The following CDH6 variants were observed in gnomAD, a reference collection of about 807,000 sequenced individuals.
The protein encoded by CDH6 is cadherin-6.
In CDH6, 31 loss-of-function variants were observed where a neutral mutation model predicts 78.0. The observed-to-expected ratio is 0.40, with a 90% CI of 0.30 to 0.54. The LOEUF (loss-of-function observed/expected upper bound fraction) is 0.54. Among genes scored for constraint, CDH6 ranks in the 20% least tolerant of loss-of-function variants. The pLI, the probability that CDH6 is intolerant of heterozygous loss-of-function variation, is 0.56. For synonymous variants in CDH6, 376 were observed against 368.8 expected, an observed-to-expected ratio of 1.02 and a Z score of -0.23; for missense variants, 724 against 975.9, an observed-to-expected ratio of 0.74 and a Z score of 3.44.
intron 1 of CDH6, among the ~76,000 whole-genome samples, chr5:31,218,445 T>A (rs1014015702): frequency 1.3e-5 from 2 of 152,176 alleles, no homozygotes; most frequent in African/African-American, 4.8e-5. Context: ...ATTGTAGATA[T>A]GAGAAAGCAC....
intron 1 of CDH6, among the ~76,000 whole-genome samples, chr5:31,196,537 G>T (rs1331147479): frequency 2.0e-5 from 3 of 152,120 alleles, no homozygotes; most frequent in Non-Finnish European, 4.4e-5. Context: ...TTTTTAGTTG[G>T]AAGGGACCTC....
At chr5:31,309,257 A>G (rs1738081636) in intron 7 of CDH6, among the ~76,000 whole-genome samples, 1 of 152,178 alleles carries the variant, frequency 6.6e-6, no homozygotes, top group Non-Finnish European at 1.5e-5. Context: ...TGATAATTGA[A>G]TATCTATTTC....
Position 31,238,654 on chromosome 5 carries a change from A to T in CDH6, c.-128-28692A>T, listed in dbSNP as rs151085553. Among the ~76,000 whole-genome samples the T allele has an allele frequency of 3.9e-3, 593 of 152,366 alleles. 24 individuals carry two copies. Among genetic ancestry groups the T allele is most frequent in the Admixed American group, 0.035 (528 of 15,300 alleles). Reference sequence around the variant, plus strand: ...TAAAAATAGATGTAAAAGTTTTTTTAAAATAGTGAGATATTTTACTTTGTT... The same window carrying T: ...TAAAAATAGATGTAAAAGTTTTTTTTAAATAGTGAGATATTTTACTTTGTT... On this transcript the variant is annotated intron_variant, in intron 1 of 11. Transcript: ENST00000265071.
In CDH6 at chr5:31,267,620, C is replaced by T; in HGVS notation, c.147C>T (p.Asn49=). The T allele has an allele frequency of 6.2e-7, 1 of 1,614,072 alleles. No homozygotes were observed. The highest frequency in any genetic ancestry group is 1.1e-5 in the South Asian group (1 of 91,076). ...ELSGNSKNEL[N]RSKRSWMWNQ... ...CTGGAAACAGCAAAAATGAGCTGAACCGTTCAAAAAGGAGCTGGATGTGGA... is the reference window on the plus strand; with the variant it reads ...CTGGAAACAGCAAAAATGAGCTGAATCGTTCAAAAAGGAGCTGGATGTGGA... Residue 49 remains asparagine, a synonymous_variant, in exon 2 of 12, where the codon AAC becomes AAT. Transcript: ENST00000265071.
At chr5:31,254,069 G>GC (rs1741985006) in intron 1 of CDH6, among the ~76,000 whole-genome samples, 1 of 152,058 alleles carries the variant, frequency 6.6e-6, no homozygotes, top group African/African-American at 2.4e-5. Flanking sequence ...GTGAAATCTT[G>GC]CCCCCTCCCA....
intron 2 of CDH6, among the ~76,000 whole-genome samples, chr5:31,281,270 A>G (rs887672858): frequency 6.6e-6 from 1 of 150,894 alleles, no homozygotes; most frequent in Admixed American, 6.7e-5. Context: ...ATCTATTGAT[A>G]CTCTCCTCCA....
chr5:31,211,937 T>C (rs1450188671), intron 1 of CDH6, among the ~76,000 whole-genome samples: 2 of 152,150 alleles, frequency 1.3e-5, no homozygotes. Flanking sequence ...ACCATAACCA[T>C]AAAAGCTCCA....
chr5:31,206,211 TAGAC>T (rs1207543260), intron 1 of CDH6, among the ~76,000 whole-genome samples: 4 of 151,918 alleles, frequency 2.6e-5, no homozygotes, highest in African/African-American at 9.7e-5. Flanking sequence ...ACATAGAAAA[TAGAC>T]AGGATAGATA....
chr5:31,197,824 T>C (rs1413626764), intron 1 of CDH6, among the ~76,000 whole-genome samples: 1 of 152,236 alleles, frequency 6.6e-6, no homozygotes, highest in Non-Finnish European at 1.5e-5. Flanking sequence ...TGAAGCACTT[T>C]ACTGAAACTA....
chr5:31,303,574 A>G (rs1290645680), intron 6 of CDH6, among the ~76,000 whole-genome samples: 2 of 152,206 alleles, frequency 1.3e-5, no homozygotes, highest in Non-Finnish European at 2.9e-5. Context: ...AGAGCAGCAT[A>G]CAAAAATACG....
At chr5:31,292,251 C>T (rs1291988361) in intron 2 of CDH6, among the ~76,000 whole-genome samples, 5 of 152,074 alleles carry the variant, frequency 3.3e-5, no homozygotes, top group Non-Finnish European at 7.4e-5. Context: ...AAAAAGGATT[C>T]TTTAAACAAG....
intron 7 of CDH6, among the ~76,000 whole-genome samples, chr5:31,306,401 A>G (rs957701134): frequency 1.3e-5 from 2 of 152,162 alleles, no homozygotes; most frequent in Non-Finnish European, 2.9e-5. Context: ...ATGCTTCAGT[A>G]TTCTCGGATC....
Position 31,328,430 on chromosome 5 carries a change from G to A in CDH6, c.*5122G>A. 4.9e-6 allele frequency: 1 copy of A among 205,290 alleles called. No individual in the cohort carries two copies. The highest frequency in any genetic ancestry group is 7.4e-5 in the East Asian group (1 of 13,536). 12.7% of individuals were successfully genotyped at this position (205,290 alleles called of 1,614,324 possible). A position where few individuals can be genotyped will look rare whatever the true frequency, so the allele number is the denominator to read the frequency against. On this transcript the variant is annotated 3_prime_UTR_variant, in exon 12 of 12. Transcript: ENST00000265071. ...AGAATCAAATGTATAGAATTACCAG[G>A]CATTCGTGGGGAATGCTGTGTAGCA...
At position 31,317,802 on chromosome 5, in the gene CDH6, G is replaced by A. The variant is rs762454450; in HGVS notation, c.1760G>A (p.Arg587Gln). 1.6e-5 allele frequency: 26 copies of A among 1,614,032 alleles called. No individual in the cohort carries two copies. Among genetic ancestry groups the A allele is most frequent in the East Asian group, 2.2e-5 (1 of 44,876 alleles). Reference protein sequence around the residue: ...VQSSTGTVTVRVCACDHHGNM... With the variant: ...VQSSTGTVTVQVCACDHHGNM... ...AGCAGCACTGGGACAGTGACTGTCCGGGTCTGTGCATGTGACCACCACGGG... is the reference window on the plus strand; with the variant it reads ...AGCAGCACTGGGACAGTGACTGTCCAGGTCTGTGCATGTGACCACCACGGG... Residue 587 changes from arginine to glutamine, a missense_variant, in exon 11 of 12, where the codon CGG (arginine) becomes CAG (glutamine). Physicochemically the swap from Arg to Gln is conservative, Grantham distance 43 (BLOSUM62 1). This residue lies in a region of CDH6 where 446 missense variants were observed against 684.5 expected (regional missense o/e 0.65). Coordinates refer to ENST00000265071, the MANE Select transcript of CDH6 (RefSeq NM_004932.4).
In CDH6 at chr5:31,294,002, A is replaced by T; in HGVS notation, c.269A>T (p.Tyr90Phe). Reference sequence around the variant, plus strand: ...GATAGAGGAGATGGATCACTTAAATATATCCTTTCAGGAGATGGAGCAGGA... The same window carrying T: ...GATAGAGGAGATGGATCACTTAAATTTATCCTTTCAGGAGATGGAGCAGGA... ...DQDRGDGSLK[Y>F]ILSGDGAGDL... The change falls in exon 3 of 12, where the codon TAT becomes TTT. Residue 90 changes from tyrosine to phenylalanine, a missense_variant. Physicochemically the swap from Tyr to Phe is conservative, Grantham distance 22. Coordinates refer to ENST00000265071, the MANE Select transcript of CDH6 (RefSeq NM_004932.4). The surrounding 1 kb of genome is among the most constrained non-coding windows in gnomAD (Gnocchi z 4.1). The T allele has an allele frequency of 6.2e-7, 1 of 1,612,436 alleles. No individual in the cohort carries two copies. Among genetic ancestry groups the T allele is most frequent in the Non-Finnish European group, 8.5e-7 (1 of 1,178,930 alleles).
At position 31,223,818 on chromosome 5, in the gene CDH6, G is replaced by C. The variant is rs533013603; in HGVS notation, c.-129+29932G>C. On this transcript the variant is annotated intron_variant, in intron 1 of 11. Coordinates refer to ENST00000265071, the MANE Select transcript of CDH6 (RefSeq NM_004932.4). Reference sequence around the variant, plus strand: ...GGCTAAAGTTTGAAATTCTATAAAAGAATTTAAAATGTATTTGCCAAAATA... The same window carrying C: ...GGCTAAAGTTTGAAATTCTATAAAACAATTTAAAATGTATTTGCCAAAATA... Among the ~76,000 whole-genome samples, 4 of 152,144 alleles carry C rather than the reference G, an allele frequency of 2.6e-5. No homozygotes were observed. In the South Asian group the frequency reaches 8.3e-4, roughly 32 times the overall value.
chr5:31,224,857 T>C (rs1317171339), intron 1 of CDH6, among the ~76,000 whole-genome samples: 1 of 152,226 alleles, frequency 6.6e-6, no homozygotes. Context: ...AATACTCTTT[T>C]TAGCCTTTAT....
At chr5:31,293,656 C>T (rs1049358772) in intron 2 of CDH6, among the ~76,000 whole-genome samples, 9 of 152,028 alleles carry the variant, frequency 5.9e-5, no homozygotes, top group Non-Finnish European at 1.2e-4. Context: ...TTCCAGCCAC[C>T]CTAATACGTC....
intron 1 of CDH6, chr5:31,250,321 G>T (rs999913326): frequency 2.0e-5 from 3 of 152,456 alleles, no homozygotes; most frequent in Non-Finnish European, 4.4e-5. Flanking sequence ...AGTTCTTTCA[G>T]CAACAACCAG....
Sources: gnomAD v4.1 joint callset for allele counts (sites outside exome capture counted in the v4.1 genomes callset) on GRCh38, gnomAD v4.1.1 for gene constraint, gnomAD v4.1.1 regional missense constraint, Gnocchi (gnomAD v3.1) non-coding constraint, MANE v1.5 for transcripts, NCBI Gene and HGNC (gene_info 2026-07-23, HGNC 2026-07-21) for gene names.